PLPPR1: variants seen among roughly 807,000 people sequenced by gnomAD.
PLPPR1 encodes the protein phospholipid phosphatase related 1, also known as phospholipid phosphatase-related protein type 1.
A neutral mutation model predicts 33.1 loss-of-function variants in PLPPR1; 10 were observed. The ratio of observed to expected loss-of-function variants is 0.30; its 90% CI spans 0.19 to 0.51. The LOEUF is 0.51. PLPPR1 is among the 20% of genes least tolerant of loss of function. The pLI, the probability that PLPPR1 is intolerant of heterozygous loss-of-function variation, is 0.97. For synonymous variants in PLPPR1, 151 were observed against 151.0 expected (o/e 1.00, Z 0.00); for missense variants, 304 against 408.1 (o/e 0.74, Z 2.20).
chr9:101,268,834 A>T (rs1454283367), intron 2 of PLPPR1, among the ~76,000 whole-genome samples: 2 of 152,052 alleles, frequency 1.3e-5, no homozygotes, highest in African/African-American at 2.4e-5. Context: ...TTAAAAATAT[A>T]TTTTCTTCAT....
intron 1 of PLPPR1, among the ~76,000 whole-genome samples, chr9:101,048,080 C>T (rs1830175450): frequency 6.6e-6 from 1 of 152,174 alleles, no homozygotes; most frequent in Non-Finnish European, 1.5e-5. Context: ...GAGTGAATCA[C>T]CTGCTCCTTT....
chr9:101,035,520 TC>T (rs1171766712), intron 1 of PLPPR1, among the ~76,000 whole-genome samples: 2 of 152,154 alleles, frequency 1.3e-5, no homozygotes, highest in Non-Finnish European at 2.9e-5. Context: ...GTCCTTGTCT[TC>T]CCCTAACTCC....
intron 2 of PLPPR1, among the ~76,000 whole-genome samples, chr9:101,230,188 T>G (rs1184848656): frequency 6.6e-6 from 1 of 152,234 alleles, no homozygotes; most frequent in South Asian, 2.1e-4. Flanking sequence ...AAAACCAGGA[T>G]GTATTCATCA....
chr9:101,135,368 A>G (rs968666867), intron 1 of PLPPR1, among the ~76,000 whole-genome samples: 1 of 152,214 alleles, frequency 6.6e-6, no homozygotes, highest in African/African-American at 2.4e-5. Context: ...ATTCCCAGGC[A>G]ACGTGTTTTC....
intron 2 of PLPPR1, among the ~76,000 whole-genome samples, chr9:101,190,310 CACTT>C (rs140221893): frequency 0.023 from 3,516 of 152,224 alleles, 143 homozygotes; most frequent in African/African-American, 0.079. Context: ...ATTCCACAAA[CACTT>C]ATTCAGTAAC....
rs935905949 is a variant in PLPPR1, at chr9:101,109,019, C to T, written c.-45-76431C>T. Among the ~76,000 whole-genome samples, 9 of 146,284 alleles carry T rather than the reference C, an allele frequency of 6.2e-5. No homozygotes were observed. The South Asian group carries it at 1.1e-3, about 17-fold the overall frequency. On this transcript the variant is annotated intron_variant, in intron 1 of 7. Transcript: ENST00000374874. Reference sequence around the variant, plus strand: ...TGTCACCCAGGCTGGAGTGCAGTGGCGCGATCTCGGCTCACTGCAAGCTCC... The same window carrying T: ...TGTCACCCAGGCTGGAGTGCAGTGGTGCGATCTCGGCTCACTGCAAGCTCC...
chr9:101,060,760 C>A (rs73656433), intron 1 of PLPPR1, among the ~76,000 whole-genome samples: 1 of 151,790 alleles, frequency 6.6e-6, no homozygotes, highest in African/African-American at 2.4e-5. Context: ...AAAGTTGTCA[C>A]TTTAGAATTT....
intron 2 of PLPPR1, among the ~76,000 whole-genome samples, chr9:101,233,209 C>T (rs1827226281): frequency 1.3e-5 from 2 of 152,028 alleles, no homozygotes; most frequent in Admixed American, 1.3e-4. Flanking sequence ...ATTCTGTTTA[C>T]TACCATAACA....
rs377354103 is a variant in PLPPR1 at position 101,052,592 on chromosome 9, T to G, written c.-46+23490T>G. On this transcript the variant is annotated intron_variant, in intron 1 of 7. Coordinates refer to ENST00000374874, the MANE Select transcript of PLPPR1 (RefSeq NM_207299.2). ...GGCTGGGATTTCCCTCTATGTTGCC[T>G]TTTTTCATAGGAAGCTGGCTTGGGC... Among the ~76,000 whole-genome samples, 24 of 152,256 alleles carry G rather than the reference T, an allele frequency of 1.6e-4. No individual in the cohort carries two copies. The East Asian group carries it at 4.2e-3, about 27-fold the overall frequency.
At chr9:101,076,570 G>A (rs1830539553) in intron 1 of PLPPR1, among the ~76,000 whole-genome samples, 1 of 152,156 alleles carries the variant, frequency 6.6e-6, no homozygotes, top group South Asian at 2.1e-4. Flanking sequence ...TGAGATGTCA[G>A]ATAACTGAAA....
chr9:101,184,504 C>T (rs1826171641), intron 1 of PLPPR1, among the ~76,000 whole-genome samples: 1 of 151,852 alleles, frequency 6.6e-6, no homozygotes, highest in Admixed American at 6.6e-5. Flanking sequence ...TCTACAAGAA[C>T]TGTTGGTAGG....
intron 4 of PLPPR1, among the ~76,000 whole-genome samples, chr9:101,304,505 T>C (rs1243768467): frequency 6.6e-6 from 1 of 152,236 alleles, no homozygotes; most frequent in Admixed American, 6.5e-5. Flanking sequence ...ATGGAAATTA[T>C]TGAATAATCT....
chr9:101,275,129 C>T (rs1369656468), intron 3 of PLPPR1, among the ~76,000 whole-genome samples: 4 of 152,190 alleles, frequency 2.6e-5, no homozygotes, highest in Admixed American at 6.5e-5. Flanking sequence ...TATAATGAAG[C>T]GTGACGCCTC....
intron 2 of PLPPR1, among the ~76,000 whole-genome samples, chr9:101,261,689 C>T (rs536817226): frequency 1.2e-3 from 176 of 152,250 alleles, no homozygotes; most frequent in Non-Finnish European, 1.9e-3. Context: ...AGATCATGTC[C>T]TTCGCCGGAA....
chr9:101,084,156 G>GT (rs1830651267), intron 1 of PLPPR1, among the ~76,000 whole-genome samples: 1 of 152,176 alleles, frequency 6.6e-6, no homozygotes, highest in East Asian at 1.9e-4. Context: ...AAATGATCAG[G>GT]TGGTCCTAGC....
chr9:101,206,267 A>C (rs1218396795), intron 2 of PLPPR1, among the ~76,000 whole-genome samples: 2 of 151,808 alleles, frequency 1.3e-5, no homozygotes, highest in Non-Finnish European at 1.5e-5. Flanking sequence ...GGACAGGAAG[A>C]TATTCAGGAC....
intron 1 of PLPPR1, among the ~76,000 whole-genome samples, chr9:101,030,604 C>G (rs942171207): frequency 6.6e-6 from 1 of 151,742 alleles, no homozygotes; most frequent in Non-Finnish European, 1.5e-5. Context: ...ACATTTTTGG[C>G]TCTTGTGCAC....
chr9:101,174,039 C>G (rs1203686897), intron 1 of PLPPR1, among the ~76,000 whole-genome samples: 1 of 152,050 alleles, frequency 6.6e-6, no homozygotes. Flanking sequence ...TGCTGTAGTT[C>G]CAGCTACTCA....
chr9:101,313,538 C>G (rs1828999988), intron 6 of PLPPR1, among the ~76,000 whole-genome samples: 1 of 152,172 alleles, frequency 6.6e-6, no homozygotes, highest in South Asian at 2.1e-4. Context: ...GGGAATCTTA[C>G]TTCCGCTAAA....
Sources: allele counts gnomAD v4.1 joint callset (sites outside exome capture counted in the v4.1 genomes callset), GRCh38; gene constraint gnomAD v4.1.1; transcripts MANE v1.5; gene names NCBI Gene and HGNC (gene_info 2026-07-23, HGNC 2026-07-21).